LMX1B: variants seen among roughly 807,000 people sequenced by gnomAD.
LMX1B encodes the protein LIM homeobox transcription factor 1 beta, also known as LIM homeobox transcription factor 1-beta.
Under a neutral mutation model 51.4 loss-of-function variants are expected in LMX1B, and 12 were observed. That is an observed-to-expected ratio of 0.23 (90% confidence interval 0.15 to 0.38). LMX1B has a LOEUF of 0.38. LMX1B is among the 10% of genes least tolerant of loss of function. The pLI, the probability that LMX1B is intolerant of heterozygous loss-of-function variation, is 1.00. For missense variants in LMX1B, 445 were observed against 571.1 expected (o/e 0.78, Z 2.25); for synonymous variants, 237 against 235.4 (o/e 1.01, Z -0.06).
chr9:126,619,070 G>C (rs1056021590), intron 2 of LMX1B, among the ~76,000 whole-genome samples: 2 of 152,194 alleles, frequency 1.3e-5, no homozygotes, highest in Non-Finnish European at 2.9e-5. Flanking sequence ...CTTTGGGCTC[G>C]CCTGTCCAGG....
chr9:126,629,132 T>G (rs1303586845), intron 2 of LMX1B, among the ~76,000 whole-genome samples: 1 of 152,118 alleles, frequency 6.6e-6, no homozygotes, highest in Non-Finnish European at 1.5e-5. Context: ...GTGCTTTTTT[T>G]CTAAGCGTTC....
chr9:126,688,873 G>T (rs1383684050), intron 2 of LMX1B, among the ~76,000 whole-genome samples: 1 of 152,168 alleles, frequency 6.6e-6, no homozygotes, highest in Non-Finnish European at 1.5e-5. Context: ...GATCAGATGG[G>T]GCCAGGTCCT....
chr9:126,620,320 C>A (rs572566592), intron 2 of LMX1B, among the ~76,000 whole-genome samples: 1 of 152,204 alleles, frequency 6.6e-6, no homozygotes, highest in Non-Finnish European at 1.5e-5. Context: ...AGCCCCAAGT[C>A]TTAGCAGCTG....
chr9:126,680,376 C>T (rs760532947), intron 2 of LMX1B, among the ~76,000 whole-genome samples: 14 of 152,238 alleles, frequency 9.2e-5, no homozygotes, highest in Non-Finnish European at 1.3e-4. Flanking sequence ...TGTGTACCCT[C>T]TGCAAGCAGC....
In LMX1B at chr9:126,629,405, G is replaced by A. The variant is rs60522608; in HGVS notation, c.326+13836G>A. On this transcript the variant is annotated intron_variant, in intron 2 of 7. Coordinates refer to ENST00000373474, the MANE Select transcript of LMX1B (RefSeq NM_001174147.2). ...ACTTTCCATTCTTTAATGACACTACGACATGGCTTCCATTATTATTTGCAT... is the reference window on the plus strand; with the variant it reads ...ACTTTCCATTCTTTAATGACACTACAACATGGCTTCCATTATTATTTGCAT... 9.2e-3 allele frequency among the ~76,000 whole-genome samples: 1,401 copies of A among 152,260 alleles called. 23 individuals are homozygous for A. Among genetic ancestry groups the A allele is most frequent in the African/African-American group, 0.032 (1,315 of 41,532 alleles).
intron 2 of LMX1B, among the ~76,000 whole-genome samples, chr9:126,650,410 G>C (rs1175790689): frequency 6.6e-6 from 1 of 152,214 alleles, no homozygotes; most frequent in Non-Finnish European, 1.5e-5. Flanking sequence ...CTCCGAGGGG[G>C]CAGCCTTGTT....
At chr9:126,648,575 G>C (rs1040961309) in intron 2 of LMX1B, among the ~76,000 whole-genome samples, 3 of 152,192 alleles carry the variant, frequency 2.0e-5, no homozygotes, top group African/African-American at 7.2e-5. Context: ...CCATCTCAGG[G>C]GGCATGAGAG....
At chr9:126,669,465 T>A (rs1467140549) in intron 2 of LMX1B, among the ~76,000 whole-genome samples, 1 of 152,180 alleles carries the variant, frequency 6.6e-6, no homozygotes, top group Non-Finnish European at 1.5e-5. Flanking sequence ...AGCGCATGTG[T>A]GTGTGTTCAC....
Position 126,690,850 on chromosome 9 carries a change from A to G in LMX1B, c.341A>G (p.Lys114Arg). 5 of 1,611,480 alleles carry G rather than the reference A, an allele frequency of 3.1e-6. No homozygotes were observed. Among genetic ancestry groups the G allele is most frequent in the Non-Finnish European group, 4.2e-6 (5 of 1,179,550 alleles). The change falls in exon 3 of 8, where the codon AAG becomes AGG. Residue 114 changes from lysine to arginine, a missense_variant. This residue lies in a region of LMX1B where 273 missense variants were observed against 343.3 expected (regional missense o/e 0.80). Transcript: ENST00000373474. ...TGCATCCGCAGGCTCTTCGCGGCCAAGTGCAGCGGCTGCATGGAGAAGATC... is the reference window on the plus strand; with the variant it reads ...TGCATCCGCAGGCTCTTCGCGGCCAGGTGCAGCGGCTGCATGGAGAAGATC... ...KQDYQQLFAA[K>R]CSGCMEKIAP...
intron 2 of LMX1B, among the ~76,000 whole-genome samples, chr9:126,643,606 G>A (rs745571223): frequency 3.6e-4 from 55 of 152,212 alleles, no homozygotes; most frequent in Non-Finnish European, 6.8e-4. Flanking sequence ...TATCCCAGCT[G>A]GGACACTTTT....
intron 2 of LMX1B, among the ~76,000 whole-genome samples, chr9:126,684,871 G>C (rs1244147093): frequency 6.6e-6 from 1 of 152,196 alleles, no homozygotes; most frequent in Non-Finnish European, 1.5e-5. Context: ...CCCAAGTTGT[G>C]TTGTTGTGAA....
intron 2 of LMX1B, among the ~76,000 whole-genome samples, chr9:126,633,320 C>T (rs1296997780): frequency 6.6e-6 from 1 of 152,244 alleles, no homozygotes. Context: ...ATGACAACCT[C>T]TGCCCAGGGT....
intron 2 of LMX1B, among the ~76,000 whole-genome samples, chr9:126,630,161 CAAA>C (rs386416246): frequency 1.2e-5 from 1 of 83,820 alleles, no homozygotes; most frequent in Non-Finnish European, 2.2e-5. Context: ...GACTCCGTCT[CAAA>C]AAAAAAAAAA....
chr9:126,632,435 G>T (rs1301371476), intron 2 of LMX1B, among the ~76,000 whole-genome samples: 1 of 152,184 alleles, frequency 6.6e-6, no homozygotes, highest in Non-Finnish European at 1.5e-5. Context: ...CCGAGGGGCT[G>T]CTGGGACTGG....
chr9:126,622,712 C>A (rs1038873323), intron 2 of LMX1B, among the ~76,000 whole-genome samples: 1 of 152,206 alleles, frequency 6.6e-6, no homozygotes, highest in Non-Finnish European at 1.5e-5. Flanking sequence ...ACTGAGCTGC[C>A]CAGGCCTTTG....
At chr9:126,617,910 G>C in intron 2 of LMX1B, among the ~76,000 whole-genome samples, 1 of 106,546 alleles carries the variant, frequency 9.4e-6, no homozygotes, top group East Asian at 3.4e-4. Context: ...TGTGCTGGGG[G>C]TGGGGGGTGG....
chr9:126,698,815 C>T lies in LMX1B; in HGVS notation c.*2364C>T, dbSNP rs759582252. On this transcript the variant is annotated 3_prime_UTR_variant, in exon 8 of 8. Coordinates refer to ENST00000373474, the MANE Select transcript of LMX1B (RefSeq NM_001174147.2). ...GCTCCCGTTTGCTGGGAAATTCAGT[C>T]CCCCCAGAATGTCCTGGGCCAACCT... The T allele has an allele frequency of 6.6e-6, 1 of 152,392 alleles. No individual in the cohort carries two copies. Among genetic ancestry groups the T allele is most frequent in the African/African-American group, 2.4e-5 (1 of 41,434 alleles). The allele number at this position is 152,392 out of a possible 1,614,324, so 9.4% of individuals were successfully genotyped here.
chr9:126,654,236 G>A (rs893523109), intron 2 of LMX1B, among the ~76,000 whole-genome samples: 2 of 152,150 alleles, frequency 1.3e-5, no homozygotes, highest in Non-Finnish European at 2.9e-5. Flanking sequence ...TCAGCTGAAC[G>A]TCCTATCCCG....
At chr9:126,665,622 C>G (rs1215596153) in intron 2 of LMX1B, among the ~76,000 whole-genome samples, 2 of 152,202 alleles carry the variant, frequency 1.3e-5, no homozygotes, top group Admixed American at 1.3e-4. Flanking sequence ...TGCCCTGTCT[C>G]TGATCTGGAC....
Sources: gnomAD v4.1 joint callset for allele counts (sites outside exome capture counted in the v4.1 genomes callset) on GRCh38, gnomAD v4.1.1 for gene constraint, gnomAD v4.1.1 regional missense constraint, MANE v1.5 for transcripts, NCBI Gene and HGNC (gene_info 2026-07-23, HGNC 2026-07-21) for gene names.